Variants in POC1B observed in about 807,000 individuals in gnomAD.
POC1B encodes POC1 centriolar protein homolog B.
In POC1B, 44 loss-of-function variants were observed where a neutral mutation model predicts 60.6. The ratio of observed to expected loss-of-function variants is 0.73; its 90% CI spans 0.57 to 0.93. The LOEUF (loss-of-function observed/expected upper bound fraction) is 0.93. POC1B is among the 40% of genes least tolerant of loss of function. The probability of loss-of-function intolerance (pLI) is 0.00; values close to 1 mark genes in which losing one functional copy is unlikely to be tolerated. For missense variants in POC1B, 555 were observed against 572.3 expected, an observed-to-expected ratio of 0.97 and a Z score of 0.31; for synonymous variants, 180 against 198.9, an observed-to-expected ratio of 0.90 and a Z score of 0.80.
intron 4 of POC1B, among the ~76,000 whole-genome samples, chr12:89,489,091 T>C (rs947914293): frequency 3.9e-5 from 6 of 152,110 alleles, no homozygotes; most frequent in Non-Finnish European, 7.4e-5. Context: ...TGGGAAAAAA[T>C]TGTCAACCCA....
intron 4 of POC1B, among the ~76,000 whole-genome samples, chr12:89,481,251 T>G (rs1463704410): frequency 6.6e-6 from 1 of 152,214 alleles, no homozygotes; most frequent in Non-Finnish European, 1.5e-5. Context: ...ACTTGTCAGG[T>G]TCCACTAACT....
intron 10 of POC1B, among the ~76,000 whole-genome samples, chr12:89,457,363 T>C (rs1882300638): frequency 6.6e-6 from 1 of 152,250 alleles, no homozygotes; most frequent in Admixed American, 6.5e-5. Context: ...ACCAATTATC[T>C]ATCATTGAAC....
chr12:89,501,800 A>G (rs2135747892), intron 2 of POC1B: 1 of 1,060,804 alleles, frequency 9.4e-7, no homozygotes, highest in East Asian at 2.4e-5. Context: ...AAAACAAATC[A>G]GTCATCTAAG....
intron 2 of POC1B, among the ~76,000 whole-genome samples, chr12:89,516,290 C>T (rs1870437175): frequency 6.6e-6 from 1 of 152,172 alleles, no homozygotes. Context: ...TGGATATCTT[C>T]AATATTCAGA....
chr12:89,433,427 G>A (rs903594418), intron 10 of POC1B, among the ~76,000 whole-genome samples: 7 of 152,172 alleles, frequency 4.6e-5, no homozygotes, highest in Admixed American at 2.0e-4. Context: ...GACGAGCCAA[G>A]ATGGCTGTCT....
chr12:89,479,529 T>C (rs1195636059), intron 4 of POC1B, among the ~76,000 whole-genome samples: 1 of 152,170 alleles, frequency 6.6e-6, no homozygotes, highest in Admixed American at 6.5e-5. Context: ...CATGAATGTA[T>C]TTCCAAATAT....
At chr12:89,489,972 G>A (rs982035361) in intron 4 of POC1B, among the ~76,000 whole-genome samples, 4 of 152,190 alleles carry the variant, frequency 2.6e-5, no homozygotes, top group Non-Finnish European at 5.9e-5. Flanking sequence ...TCTTCTAACT[G>A]GAGCTGGGAG....
chr12:89,524,288 C>A, intron 2 of POC1B: 1 of 1,614,004 alleles, frequency 6.2e-7, no homozygotes, highest in Non-Finnish European at 8.5e-7. Context: ...TTCAGTTCAT[C>A]CTCGTTGAGC....
At position 89,502,506 on chromosome 12, in the gene POC1B, T is replaced by C; in HGVS notation, c.101-5164A>G. ...ACAAAAAAATCTAATAAGAAAAGGATCTGTCTTGATAACGATGAAAGAAAG... is the reference window on the plus strand; with the variant it reads ...ACAAAAAAATCTAATAAGAAAAGGACCTGTCTTGATAACGATGAAAGAAAG... On this transcript the variant is annotated intron_variant, in intron 2 of 11. Transcript: ENST00000313546. The C allele has an allele frequency of 5.6e-6, 6 of 1,072,018 alleles. No homozygotes were observed. The South Asian group carries it at 8.1e-5, about 14-fold the overall frequency. The allele number at this position is 1,072,018 out of a possible 1,614,324, so 66.4% of individuals were successfully genotyped here. A position where few individuals can be genotyped will look rare whatever the true frequency, so the allele number is the denominator to read the frequency against.
intron 10 of POC1B, among the ~76,000 whole-genome samples, chr12:89,458,207 T>C (rs928162266): frequency 2.0e-5 from 3 of 152,216 alleles, no homozygotes; most frequent in African/African-American, 7.2e-5. Flanking sequence ...AAACCTCCTG[T>C]TTGCTCCTTC....
intron 2 of POC1B, among the ~76,000 whole-genome samples, chr12:89,507,367 C>A (rs1038825505): frequency 6.7e-6 from 1 of 150,252 alleles, no homozygotes; most frequent in Non-Finnish European, 1.5e-5. Context: ...TCCTACCAAA[C>A]CCTAATACCA....
At chr12:89,422,536 A>G in intron 11 of POC1B, among the ~76,000 whole-genome samples, 1 of 152,160 alleles carries the variant, frequency 6.6e-6, no homozygotes, top group Non-Finnish European at 1.5e-5. Flanking sequence ...CAAAGGCTTG[A>G]TCAGGTTACA....
At chr12:89,412,798 G>C in the POC1B span, among the ~76,000 whole-genome samples, 1 of 142,882 alleles carries the variant, frequency 7.0e-6, no homozygotes, top group African/African-American at 2.8e-5. Flanking sequence ...CAGAGGGAGA[G>C]AAACACATGT....
At chr12:89,524,088 G>A (rs192238079) in intron 2 of POC1B, 128 of 1,613,960 alleles carry the variant, frequency 7.9e-5, no homozygotes, top group Non-Finnish European at 1.0e-4. Context: ...CACTGTGAAT[G>A]GTACGGAGCA....
At chr12:89,523,995 T>C (rs768194463) in intron 2 of POC1B, 7 of 1,613,904 alleles carry the variant, frequency 4.3e-6, no homozygotes, top group East Asian at 2.2e-5. Flanking sequence ...AAGTTTCAAG[T>C]TGTGTCTTCA....
Position 89,497,324 on chromosome 12 carries a change from G to T in POC1B, c.119C>A (p.Thr40Asn). ...CTTGAAATTCCATAGCATGAGAAAGGTATCCCAAGAAGCAGTAGCTATCAA... is the reference window on the plus strand; with the variant it reads ...CTTGAAATTCCATAGCATGAGAAAGTTATCCCAAGAAGCAGTAGCTATCAA... The part of the protein sequence containing the change: ...GKQLATASWD[T>N]FLMLWNFKPH... Residue 40 changes from threonine to asparagine, a missense_variant, in exon 3 of 12, where the codon ACC becomes AAC. Transcript: ENST00000313546. 1 of 1,612,230 alleles carries T rather than the reference G, an allele frequency of 6.2e-7. No homozygotes were observed. Among genetic ancestry groups the T allele is most frequent in the South Asian group, 1.1e-5 (1 of 90,978 alleles).
intron 6 of POC1B, 139 bp downstream of exon 6, chr12:89,471,475 C>T: frequency 1.7e-6 from 1 of 585,394 alleles, no homozygotes; most frequent in Non-Finnish European, 3.0e-6. Flanking sequence ...TTGATGGGAG[C>T]TAATTATACT....
Position 89,500,831 on chromosome 12 carries a change from T to A in POC1B, c.101-3489A>T. The A allele has an allele frequency of 2.9e-6, 3 of 1,045,426 alleles. No individual in the cohort carries two copies. In the South Asian group the frequency reaches 4.2e-5, roughly 15 times the overall value. The allele number at this position is 1,045,426 out of a possible 1,614,324, so 64.8% of individuals were successfully genotyped here. ...AAGAAAGAAAACCATCAGGATCATC[T>A]CAGAATAGAATACGACATTCAGAAT... On this transcript the variant is annotated intron_variant, in intron 2 of 11. Coordinates refer to ENST00000313546, the MANE Select transcript of POC1B (RefSeq NM_172240.3).
chr12:89,518,143 T>C (rs546472630), intron 2 of POC1B, among the ~76,000 whole-genome samples: 3 of 152,008 alleles, frequency 2.0e-5, no homozygotes, highest in African/African-American at 7.2e-5. Context: ...ACATGTGCCC[T>C]CTAATTTTCA....
Sources: gnomAD v4.1 joint callset for allele counts (sites outside exome capture counted in the v4.1 genomes callset) on GRCh38, gnomAD v4.1.1 for gene constraint, MANE v1.5 for transcripts, NCBI Gene and HGNC (gene_info 2026-07-23, HGNC 2026-07-21) for gene names.